DENND2A: variants seen among roughly 807,000 people sequenced by gnomAD.
The protein encoded by DENND2A is DENN domain-containing protein 2A.
A neutral mutation model predicts 105.3 loss-of-function variants in DENND2A; 53 were observed. The observed-to-expected ratio is 0.50, with a 90% CI of 0.40 to 0.63. The LOEUF is 0.63. DENND2A is among the 30% of genes least tolerant of loss of function. The probability of loss-of-function intolerance (pLI) is 0.00; values close to 1 mark genes in which losing one functional copy is unlikely to be tolerated. For synonymous variants in DENND2A, 522 were observed against 508.4 expected, an observed-to-expected ratio of 1.03 and a Z score of -0.36; for missense variants, 1,138 against 1,279.6, an observed-to-expected ratio of 0.89 and a Z score of 1.69.
intron 18 of DENND2A, 74 bp downstream of exon 18, chr7:140,521,781 C>T (rs1795868065): frequency 6.3e-7 from 1 of 1,583,276 alleles, no homozygotes; most frequent in Non-Finnish European, 8.6e-7. Context: ...TGTGATCTTT[C>T]TCCCTACTCA....
At chr7:140,562,763 C>G (rs1387021470) in intron 9 of DENND2A, among the ~76,000 whole-genome samples, 10 of 152,212 alleles carry the variant, frequency 6.6e-5, no homozygotes, top group African/African-American at 2.4e-4. Flanking sequence ...GCCACTAATA[C>G]TAGTGGTTAA....
At chr7:140,607,191 TGATGG>T (rs1348440001) in intron 1 of DENND2A, among the ~76,000 whole-genome samples, 1 of 152,104 alleles carries the variant, frequency 6.6e-6, no homozygotes, top group Non-Finnish European at 1.5e-5. Flanking sequence ...CCCTGCTAGG[TGATGG>T]GATGGCTGCC....
chr7:140,543,551 A>T (rs1796763954), intron 14 of DENND2A: 2 of 152,196 alleles, frequency 1.3e-5, no homozygotes, highest in African/African-American at 4.8e-5. Flanking sequence ...TGTGCCCCCC[A>T]GATCTCCAGT....
intron 14 of DENND2A, among the ~76,000 whole-genome samples, chr7:140,538,931 C>G (rs1440167779): frequency 1.3e-5 from 2 of 152,106 alleles, no homozygotes; most frequent in Non-Finnish European, 2.9e-5. Flanking sequence ...TCAAGTGATT[C>G]TCCTGCCTCA....
chr7:140,631,930 GTC>G (rs1401180209), intron 1 of DENND2A, among the ~76,000 whole-genome samples: 4 of 152,222 alleles, frequency 2.6e-5, no homozygotes, highest in African/African-American at 9.6e-5. Flanking sequence ...TGAGAGACTA[GTC>G]TCACTCCAAG....
At chr7:140,636,026 G>A (rs973793445) in intron 1 of DENND2A, among the ~76,000 whole-genome samples, 6 of 152,156 alleles carry the variant, frequency 3.9e-5, no homozygotes, top group East Asian at 1.9e-4. Flanking sequence ...AGGGGCCAGC[G>A]GGGCCTGGCA....
intron 6 of DENND2A, among the ~76,000 whole-genome samples, 163 bp from the exon 7 acceptor site, chr7:140,569,901 T>A (rs1312024074): frequency 7.9e-5 from 12 of 152,166 alleles, no homozygotes; most frequent in South Asian, 2.1e-4. Context: ...ATTTTTTTTT[T>A]TTATTTTTTT....
At chr7:140,612,528 G>A (rs1023923295) in intron 1 of DENND2A, among the ~76,000 whole-genome samples, 5 of 150,148 alleles carry the variant, frequency 3.3e-5, no homozygotes, top group African/African-American at 1.2e-4. Flanking sequence ...TTGAGACAGA[G>A]TCTTACTCTG....
At chr7:140,570,374 C>T (rs187517410) in intron 6 of DENND2A, among the ~76,000 whole-genome samples, 69 of 152,316 alleles carry the variant, frequency 4.5e-4, no homozygotes, top group Admixed American at 7.8e-4. Flanking sequence ...CTCGATGTCA[C>T]TGCGGCTTGG....
intron 10 of DENND2A, among the ~76,000 whole-genome samples, chr7:140,558,487 G>A (rs1368746936): frequency 6.6e-6 from 1 of 152,124 alleles, no homozygotes; most frequent in Non-Finnish European, 1.5e-5. Flanking sequence ...CTTGAGGTCA[G>A]GAGTTCGAGA....
chr7:140,520,637 C>A (rs1182062214), intron 18 of DENND2A, among the ~76,000 whole-genome samples: 2 of 151,946 alleles, frequency 1.3e-5, no homozygotes, highest in Non-Finnish European at 2.9e-5. Context: ...TGGCTCACTG[C>A]AAGCTCTGCC....
chr7:140,552,162 GC>G (rs964270811), intron 12 of DENND2A, among the ~76,000 whole-genome samples: 1 of 152,168 alleles, frequency 6.6e-6, no homozygotes, highest in Non-Finnish European at 1.5e-5. Context: ...TGAAAGCCTG[GC>G]CTGAGCAGTA....
At chr7:140,541,062 T>A (rs1109939) in intron 14 of DENND2A, among the ~76,000 whole-genome samples, 37 of 152,042 alleles carry the variant, frequency 2.4e-4, no homozygotes, top group African/African-American at 8.0e-4. Context: ...TGACATGTCC[T>A]CCTGCATTGC....
rs1160587681 is a variant in DENND2A, at chr7:140,568,772, TCTC to T, written c.1579_1581del (p.Glu527del). On this transcript the variant is annotated inframe_deletion, in exon 8 of 20. Coordinates refer to ENST00000496613, the MANE Select transcript of DENND2A (RefSeq NM_015689.5). ...TAGTGGCTCTCCTCACCTTTCAGCT[TCTC>T]CTCTGTGTCACTGTCAGACTCACTG... is the stretch of plus-strand genomic sequence containing the variant. 1 of 1,614,074 alleles carries T rather than the reference TCTC, an allele frequency of 6.2e-7. No individual in the cohort carries two copies. The highest frequency in any genetic ancestry group is 1.1e-5 in the South Asian group (1 of 91,074).
chr7:140,622,852 G>C (rs181481085), intron 1 of DENND2A, among the ~76,000 whole-genome samples: 2 of 152,084 alleles, frequency 1.3e-5, no homozygotes, highest in African/African-American at 4.8e-5. Flanking sequence ...GATTACAGGC[G>C]TGAGCCATCA....
intron 6 of DENND2A, among the ~76,000 whole-genome samples, chr7:140,570,865 T>C (rs896924160): frequency 6.6e-6 from 1 of 152,196 alleles, no homozygotes; most frequent in East Asian, 1.9e-4. Flanking sequence ...AAAAGTTTGG[T>C]GTTTCCTATG....
At chr7:140,638,542 C>A (rs1050622686) in intron 1 of DENND2A, among the ~76,000 whole-genome samples, 1 of 152,162 alleles carries the variant, frequency 6.6e-6, no homozygotes, top group African/African-American at 2.4e-5. Flanking sequence ...AGAAGGAGCG[C>A]ATCACTCCTG....
At chr7:140,525,940 G>T (rs1431460170) in intron 15 of DENND2A, 148 bp from the exon 16 acceptor site, 16 of 562,716 alleles carry the variant, frequency 2.8e-5, no homozygotes. Flanking sequence ...CATTGCCACG[G>T]TAGCCACAGG....
At chr7:140,519,596 GCA>G (rs776241025) in intron 19 of DENND2A, 34 bp downstream of exon 19, 1 of 1,584,024 alleles carries the variant, frequency 6.3e-7, no homozygotes, top group African/African-American at 1.3e-5. Flanking sequence ...CAGCTCAGAG[GCA>G]CACAGGCTGG....
Sources: allele counts gnomAD v4.1 joint callset (sites outside exome capture counted in the v4.1 genomes callset), GRCh38; gene constraint gnomAD v4.1.1; transcripts MANE v1.5; gene names NCBI Gene and HGNC (gene_info 2026-07-23, HGNC 2026-07-21).